The following KIF21A variants were observed in gnomAD, a reference collection of about 807,000 sequenced individuals.
KIF21A encodes kinesin-like protein KIF21A.
A neutral mutation model predicts 202.9 loss-of-function variants in KIF21A; 114 were observed. That is an observed-to-expected ratio of 0.56 (90% CI 0.48 to 0.66). The LOEUF (loss-of-function observed/expected upper bound fraction) is 0.66. Among genes scored for constraint, KIF21A ranks in the 30% least tolerant of loss-of-function variants. The pLI is 0.00. For synonymous variants in KIF21A, 667 were observed against 670.8 expected, an observed-to-expected ratio of 0.99 and a Z score of 0.09; for missense variants, 1,677 against 1,994.9, an observed-to-expected ratio of 0.84 and a Z score of 3.04.
In KIF21A at chr12:39,416,793, ATATATGTACATATATATGTGTG is replaced by A. The variant is rs1411365263; in HGVS notation, c.44+26112_44+26133del. The stretch of plus-strand genomic sequence containing the variant: ...TATATATGTACATATATATGTGTAT[ATATATGTACATATATATGTGTG>A]TATATATGTACATATATGTGTATAT... On this transcript the variant is annotated intron_variant, in intron 1 of 37. Transcript: ENST00000361418. Among the ~76,000 whole-genome samples, 175 of 119,792 alleles carry A rather than the reference ATATATGTACATATATATGTGTG, an allele frequency of 1.5e-3. 9 individuals carry two copies. The highest frequency in any genetic ancestry group is 5.1e-3 in the African/African-American group (144 of 28,352). 78.6% of individuals were successfully genotyped at this position (119,792 alleles called of 152,430 possible).
intron 35 of KIF21A, among the ~76,000 whole-genome samples, chr12:39,303,613 C>T (rs1318212336): frequency 6.6e-6 from 1 of 152,112 alleles, no homozygotes; most frequent in Non-Finnish European, 1.5e-5. Flanking sequence ...TGTCTGTAGG[C>T]TTTTAAGAAA....
intron 1 of KIF21A, among the ~76,000 whole-genome samples, chr12:39,407,398 T>C (rs532413934): frequency 6.6e-6 from 1 of 152,344 alleles, no homozygotes; most frequent in South Asian, 2.1e-4. Context: ...TTTGAATTCC[T>C]CATTCTCTCC....
intron 1 of KIF21A, among the ~76,000 whole-genome samples, chr12:39,401,514 A>T (rs1484210829): frequency 6.6e-6 from 1 of 152,194 alleles, no homozygotes; most frequent in African/African-American, 2.4e-5. Context: ...GCCAAAGATT[A>T]AAGGGTGTTC....
At chr12:39,354,099 T>C (rs899847967) in intron 10 of KIF21A, among the ~76,000 whole-genome samples, 3 of 152,190 alleles carry the variant, frequency 2.0e-5, no homozygotes, top group Non-Finnish European at 2.9e-5. Context: ...CCTAGGATTG[T>C]TTTGAGAATC....
At chr12:39,310,928 T>G (rs1943966172) in intron 32 of KIF21A, among the ~76,000 whole-genome samples, 2 of 152,060 alleles carry the variant, frequency 1.3e-5, no homozygotes, top group African/African-American at 2.4e-5. Flanking sequence ...AGAAAAGTAT[T>G]TATTCACTTG....
intron 1 of KIF21A, among the ~76,000 whole-genome samples, chr12:39,381,006 T>C (rs1950574879): frequency 6.6e-6 from 1 of 152,066 alleles, no homozygotes; most frequent in Non-Finnish European, 1.5e-5. Flanking sequence ...AGTATATGTT[T>C]TATTAAAACT....
chr12:39,318,720 G>A (rs1944853798), intron 28 of KIF21A, among the ~76,000 whole-genome samples: 1 of 152,180 alleles, frequency 6.6e-6, no homozygotes, highest in Non-Finnish European at 1.5e-5. Context: ...GGTGGCTCAC[G>A]CCTGTAATCC....
rs1396283360 is a variant in KIF21A at position 39,418,536 on chromosome 12, C to G, written c.44+24391G>C. On this transcript the variant is annotated intron_variant, in intron 1 of 37. Transcript: ENST00000361418. ...TACTTTACCCGGGCACATAAACATC[C>G]GAGTGTTTGGGAAATACTAGAAAAC... Among the ~76,000 whole-genome samples, 7 of 152,116 alleles carry G rather than the reference C, an allele frequency of 4.6e-5. No homozygotes were observed. In the East Asian group the frequency reaches 1.3e-3, roughly 29 times the overall value.
chr12:39,367,291 T>G, intron 4 of KIF21A, 127 bp from the exon 5 acceptor site: 1 of 980,968 alleles, frequency 1.0e-6, no homozygotes, highest in Admixed American at 2.0e-5. Flanking sequence ...TTTCACATTA[T>G]TAGTTCAGTT....
intron 1 of KIF21A, among the ~76,000 whole-genome samples, chr12:39,438,541 G>A (rs1939134822): frequency 6.6e-6 from 1 of 152,162 alleles, no homozygotes; most frequent in Non-Finnish European, 1.5e-5. Flanking sequence ...CCCTAAGCCT[G>A]CTGAGCAATG....
intron 17 of KIF21A, among the ~76,000 whole-genome samples, chr12:39,334,200 C>CAAAAAAAAAAAAAAAAAAAAAAAAAAA (rs576176350): frequency 1.6e-5 from 1 of 63,718 alleles, no homozygotes; most frequent in Non-Finnish European, 3.6e-5. Flanking sequence ...GACTCCATCT[C>CAAAAAAAAAAAAAAAAAAAAAAAAAAA]AAAAAAAAAA....
At chr12:39,417,395 T>G (rs1195564721) in intron 1 of KIF21A, among the ~76,000 whole-genome samples, 1 of 152,170 alleles carries the variant, frequency 6.6e-6, no homozygotes, top group East Asian at 1.9e-4. Context: ...TACTGACAAT[T>G]ATAGCTTTTA....
At chr12:39,311,575 C>G (rs1478051359) in intron 31 of KIF21A, 22 bp from the exon 32 acceptor site, 1 of 1,611,528 alleles carries the variant, frequency 6.2e-7, no homozygotes, top group African/African-American at 1.3e-5. Flanking sequence ...AAAAAACAAA[C>G]AAACCAAGAC....
In KIF21A at chr12:39,325,868, G is replaced by A; in HGVS notation, c.3427C>T (p.Leu1143Phe). ...TTCTTAGGTTTCACTTCACCACAAA[G>A]CTTCATGAGATCTGAAGACAGCGTG... ...GSTLSSDLMKLCGEVKPKNKA... is the reference protein window; with the variant it reads ...GSTLSSDLMKFCGEVKPKNKA... Residue 1143 changes from leucine (L) to phenylalanine (F), a missense_variant, in exon 26 of 38, where the codon CTT (leucine) becomes TTT (phenylalanine). Around this residue, in one of 3 missense-constraint regions of KIF21A, gnomAD observed 705 missense variants for 791.9 expected, o/e 0.89. Transcript: ENST00000361418. 6.2e-7 allele frequency: 1 copy of A among 1,612,190 alleles called. No individual in the cohort carries two copies. The highest frequency in any genetic ancestry group is 1.1e-5 in the South Asian group (1 of 91,024).
intron 1 of KIF21A, among the ~76,000 whole-genome samples, chr12:39,397,599 C>T (rs1019340009): frequency 1.3e-5 from 2 of 152,202 alleles, no homozygotes; most frequent in South Asian, 2.1e-4. Flanking sequence ...TCCTATGACC[C>T]AGAACAGTTC....
intron 1 of KIF21A, among the ~76,000 whole-genome samples, chr12:39,373,334 C>A (rs1592399685): frequency 1.3e-5 from 2 of 152,220 alleles, no homozygotes; most frequent in East Asian, 3.9e-4. Flanking sequence ...TCTTCTCCAC[C>A]CTTTCAATTC....
At chr12:39,339,401 G>A (rs763336578) in intron 16 of KIF21A, among the ~76,000 whole-genome samples, 2 of 152,070 alleles carry the variant, frequency 1.3e-5, no homozygotes, top group South Asian at 2.1e-4. Context: ...TAGCCTAGGA[G>A]CAACAGGCTA....
chr12:39,306,292 G>T (rs1242043400), intron 34 of KIF21A, among the ~76,000 whole-genome samples: 2 of 152,170 alleles, frequency 1.3e-5, no homozygotes, highest in East Asian at 1.9e-4. Flanking sequence ...ATTTTCAAAA[G>T]CTGGTATCTT....
intron 1 of KIF21A, among the ~76,000 whole-genome samples, chr12:39,376,416 A>G (rs1452236053): frequency 1.3e-5 from 2 of 152,130 alleles, no homozygotes; most frequent in African/African-American, 2.4e-5. Context: ...CATTTTTTAT[A>G]GACATGTAAC....
Sources: allele counts gnomAD v4.1 joint callset (sites outside exome capture counted in the v4.1 genomes callset), GRCh38; gene constraint gnomAD v4.1.1; regional missense constraint gnomAD v4.1.1; transcripts MANE v1.5; gene names NCBI Gene and HGNC (gene_info 2026-07-23, HGNC 2026-07-21).